PDE4DIP: variants seen among roughly 807,000 people sequenced by gnomAD.
PDE4DIP encodes the protein myomegalin.
In PDE4DIP, 59 loss-of-function variants were observed where a neutral mutation model predicts 221.4. The ratio of observed to expected loss-of-function variants is 0.27; its 90% CI spans 0.22 to 0.33. PDE4DIP has a LOEUF of 0.33. PDE4DIP is among the 10% of genes least tolerant of loss of function. The pLI is 1.00. For synonymous variants in PDE4DIP, 404 were observed against 815.9 expected, an observed-to-expected ratio of 0.50 and a Z score of 8.60; for missense variants, 1,036 against 2,154.2, an observed-to-expected ratio of 0.48 and a Z score of 10.28.
At position 148,940,481 on chromosome 1, in the gene PDE4DIP, A is replaced by G. The variant is rs1291980838; in HGVS notation, c.636+2617A>G. Reference sequence around the variant, plus strand: ...GACAATGTTTCCTACCCTTTTTCATAGAAAATTCATTTTCATAGGAAATGA... The same window carrying G: ...GACAATGTTTCCTACCCTTTTTCATGGAAAATTCATTTTCATAGGAAATGA... On this transcript the variant is annotated intron_variant, in intron 5 of 43. Coordinates refer to ENST00000369354, the Ensembl canonical transcript of PDE4DIP. Among the ~76,000 whole-genome samples the G allele has an allele frequency of 2.6e-5, 4 of 151,362 alleles. No individual in the cohort carries two copies. The East Asian group carries it at 7.8e-4, about 29-fold the overall frequency.
chr1:148,820,370 C>T (rs1233599732), intron 1 of PDE4DIP, among the ~76,000 whole-genome samples: 24 of 141,282 alleles, frequency 1.7e-4, no homozygotes, highest in Non-Finnish European at 3.1e-4. Flanking sequence ...AGTTTGAGAC[C>T]AGCCTGGCCA....
chr1:148,990,190 CT>C (rs2062743126), intron 21 of PDE4DIP: 1 of 984,174 alleles, frequency 1.0e-6, no homozygotes, highest in African/African-American at 1.7e-5. Context: ...GAACTGCCCC[CT>C]CAAACATGGG....
intron 1 of PDE4DIP, among the ~76,000 whole-genome samples, chr1:148,828,572 C>T (rs1671172398): frequency 6.6e-6 from 1 of 151,252 alleles, no homozygotes; most frequent in Non-Finnish European, 1.5e-5. Context: ...TTTATTGACC[C>T]TAACATCAGT....
chr1:148,898,250 AT>A lies in PDE4DIP; in HGVS notation c.141+8363del, dbSNP rs2039838263. The stretch of plus-strand genomic sequence containing the variant: ...CCTTGTTTGCAATATCATTTTAGTC[AT>A]TTTTTTGCTCATATTTGCGCATATG... On this transcript the variant is annotated intron_variant, in intron 1 of 43. Transcript: ENST00000369354. 3.2e-5 allele frequency among the ~76,000 whole-genome samples: 3 copies of A among 94,968 alleles called. No homozygotes were observed. In the South Asian group the frequency reaches 1.3e-3, roughly 40 times the overall value. The allele number at this position is 94,968 out of a possible 152,430, so 62.3% of individuals were successfully genotyped here.
At chr1:149,021,963 CAG>C (rs1362046475) in intron 37 of PDE4DIP, among the ~76,000 whole-genome samples, 8 of 147,154 alleles carry the variant, frequency 5.4e-5, no homozygotes, top group Admixed American at 4.1e-4. Flanking sequence ...CAGGCTGGAA[CAG>C]AGGACGACAT....
chr1:148,931,676 G>A (rs2048029806), intron 2 of PDE4DIP, 124 bp from the exon 6 acceptor site: 4 of 935,960 alleles, frequency 4.3e-6, no homozygotes, highest in Non-Finnish European at 5.2e-6. Flanking sequence ...CGCTGTTGGT[G>A]GAAATATAAA....
chr1:148,876,940 G>C (rs1365786235), intron 3 of PDE4DIP, among the ~76,000 whole-genome samples: 1 of 140,210 alleles, frequency 7.1e-6, no homozygotes, highest in Non-Finnish European at 1.5e-5. Context: ...CTTGAACCCA[G>C]GAGGCAGAGG....
chr1:148,973,366 G>A (rs1553533266), intron 16 of PDE4DIP, among the ~76,000 whole-genome samples: 2 of 149,476 alleles, frequency 1.3e-5, no homozygotes, highest in East Asian at 2.0e-4. Context: ...TCCTGACCTC[G>A]TGATCCGCCC....
chr1:148,942,168 T>C (rs1335369322), intron 5 of PDE4DIP: 1 of 152,156 alleles, frequency 6.6e-6, no homozygotes, highest in African/African-American at 2.4e-5. Flanking sequence ...GATAACTATC[T>C]CTCAAGTGAT....
intron 21 of PDE4DIP, chr1:148,981,796 A>G (rs2061127020): frequency 4.5e-6 from 1 of 221,924 alleles, no homozygotes; most frequent in African/African-American, 2.2e-5. Flanking sequence ...TCCATTTCAT[A>G]TGTTCCATAT....
intron 32 of PDE4DIP, among the ~76,000 whole-genome samples, chr1:149,013,557 C>G (rs1575383660): frequency 1.5e-5 from 1 of 67,674 alleles, no homozygotes; most frequent in East Asian, 3.3e-4. Context: ...TGAATTTGCT[C>G]TTTCATAGCA....
At chr1:148,955,168 ACTT>A (rs1175864516) in intron 5 of PDE4DIP, among the ~76,000 whole-genome samples, 2 of 152,188 alleles carry the variant, frequency 1.3e-5, no homozygotes, top group South Asian at 2.1e-4. Flanking sequence ...AACACTGTGT[ACTT>A]CTTTTCTTTT....
intron 43 of PDE4DIP, 190 bp downstream of exon 46, chr1:149,030,468 T>C: frequency 1.0e-6 from 1 of 972,244 alleles, no homozygotes; most frequent in Non-Finnish European, 1.2e-6. Context: ...TCCCACCCCG[T>C]CAGCTCCTGC....
chr1:148,988,355 T>C (rs1222529068), intron 21 of PDE4DIP, among the ~76,000 whole-genome samples: 1 of 126,642 alleles, frequency 7.9e-6, no homozygotes, highest in Non-Finnish European at 1.6e-5. Context: ...TTCTAAGCAC[T>C]TCAAAATCAG....
chr1:148,998,182 G>A, exon 23 of PDE4DIP: 1 of 1,431,236 alleles, frequency 7.0e-7, no homozygotes, highest in South Asian at 1.2e-5. Context: ...GGCAACTGTG[G>A]AGACCCAGAA....
intron 5 of PDE4DIP, among the ~76,000 whole-genome samples, chr1:148,959,750 A>T (rs1451503443): frequency 6.6e-6 from 1 of 151,760 alleles, no homozygotes; most frequent in Non-Finnish European, 1.5e-5. Context: ...GTGAATTGAT[A>T]TTCCTATAAA....
chr1:148,980,379 G>A (rs1466778736), intron 20 of PDE4DIP, among the ~76,000 whole-genome samples: 3 of 152,060 alleles, frequency 2.0e-5, no homozygotes, highest in Non-Finnish European at 2.9e-5. Context: ...GCAACAGAGC[G>A]AGACTCCGTC....
At chr1:149,025,651 C>T (rs1253146904) in intron 38 of PDE4DIP, 2 of 147,424 alleles carry the variant, frequency 1.4e-5, no homozygotes, top group East Asian at 2.1e-4. Context: ...CACTCACCTC[C>T]ATGGCCATAC....
chr1:149,029,845 G>A lies in PDE4DIP; in HGVS notation c.6872G>A (p.Arg2291Gln), dbSNP rs3863691. The A allele has an allele frequency of 8.6e-5, 139 of 1,609,082 alleles. 1 individual carries two copies. The highest frequency in any genetic ancestry group is 2.4e-4 in the South Asian group (22 of 90,752). Residue 2291 changes from arginine to glutamine, a missense_variant, in exon 42 of 44, where the codon CGA becomes CAA. Physicochemically the swap from Arg to Gln is conservative, Grantham distance 43. Coordinates refer to ENST00000369354, the Ensembl canonical transcript of PDE4DIP. ...AGAACCAAAGTATCCAAACAGGAGC[G>A]ACTCCTTCAGAGCACAACTGAGCAT...
Sources: gnomAD v4.1 joint callset for allele counts (sites outside exome capture counted in the v4.1 genomes callset) on GRCh38, gnomAD v4.1.1 for gene constraint, MANE v1.5 for transcripts, NCBI Gene and HGNC (gene_info 2026-07-23, HGNC 2026-07-21) for gene names.